LRRC9: variants seen among roughly 807,000 people sequenced by gnomAD.
LRRC9 encodes leucine rich repeat containing 9.
LRRC9 carries 122 observed loss-of-function variants against 63.2 expected under a neutral mutation model. That is an observed-to-expected ratio of 1.93 (90% CI 1.67 to 2.24). The LOEUF (loss-of-function observed/expected upper bound fraction) is 2.24. Ranked by LOEUF, LRRC9 falls within the 30% of genes most tolerant of loss-of-function variation. LRRC9 has a pLI of 0.00. For synonymous variants in LRRC9, 366 were observed against 213.1 expected, an observed-to-expected ratio of 1.72 and a Z score of -6.25; for missense variants, 1,071 against 627.7, an observed-to-expected ratio of 1.71 and a Z score of -7.55.
At position 59,930,479 on chromosome 14, in the gene LRRC9, AT is replaced by A. The variant is rs1337583613; in HGVS notation, c.268-437del. 1.3e-5 allele frequency among the ~76,000 whole-genome samples: 2 copies of A among 152,010 alleles called. No individual in the cohort carries two copies. The highest frequency in any genetic ancestry group is 1.5e-5 in the Non-Finnish European group (1 of 67,952). The stretch of plus-strand genomic sequence containing the variant: ...TATTATAAACTTGAAATATTTCATA[AT>A]TATTAAATATAATTTGAAGGATTAT... On this transcript the variant is annotated intron_variant, in intron 3 of 31. Coordinates refer to ENST00000445360, the Ensembl canonical transcript of LRRC9. The surrounding 1 kb of genome is among the most constrained non-coding windows in gnomAD (Gnocchi z 4.9).
chr14:60,053,879 G>GTAAC lies in LRRC9; in HGVS notation c.4131+675_4131+678dup, dbSNP rs1254539461. On this transcript the variant is annotated intron_variant, in intron 30 of 31. Coordinates refer to ENST00000445360, the Ensembl canonical transcript of LRRC9. This position sits in a 1 kb window ranked among gnomAD's most constrained non-coding sequence, Gnocchi z 4.8. ...AAATCTATGGTTTTTGAACAGAGAA[G>GTAAC]TAACATTATTAGAATGCTGTGGTTT... The GTAAC allele has an allele frequency of 6.6e-6, 3 of 453,042 alleles. No individual in the cohort carries two copies. The Admixed American group carries it at 7.2e-5, about 11-fold the overall frequency. The allele number at this position is 453,042 out of a possible 1,614,324, so 28.1% of individuals were successfully genotyped here. A position where few individuals can be genotyped will look rare whatever the true frequency, so the allele number is the denominator to read the frequency against.
At chr14:59,972,542 C>G (rs1400723977) in intron 12 of LRRC9, among the ~76,000 whole-genome samples, 2 of 151,962 alleles carry the variant, frequency 1.3e-5, no homozygotes, top group African/African-American at 4.8e-5. Context: ...ATGTAAAAAT[C>G]CTTCTAGTTT....
In LRRC9 at chr14:59,964,565, C is replaced by T. The variant is rs765295496; in HGVS notation, c.1212-2024C>T. On this transcript the variant is annotated intron_variant, in intron 10 of 31. Coordinates refer to ENST00000445360, the Ensembl canonical transcript of LRRC9. This position sits in a 1 kb window ranked among gnomAD's most constrained non-coding sequence, Gnocchi z 4.4. ...TCATTCCTTCCACCCATTCATGAGA[C>T]GCCTCAAGCCCAATATCCCCTATAT... Among the ~76,000 whole-genome samples the T allele has an allele frequency of 2.6e-5, 4 of 152,178 alleles. No homozygotes were observed. Among genetic ancestry groups the T allele is most frequent in the African/African-American group, 4.8e-5 (2 of 41,428 alleles).
chr14:59,938,577 G>T lies in LRRC9; in HGVS notation c.726+5G>T, dbSNP rs751195573. 1.5e-6 allele frequency: 1 copy of T among 687,932 alleles called. No individual in the cohort carries two copies. Among genetic ancestry groups the T allele is most frequent in the South Asian group, 1.5e-5 (1 of 64,988 alleles). 42.6% of individuals were successfully genotyped at this position (687,932 alleles called of 1,614,324 possible). A position where few individuals can be genotyped will look rare whatever the true frequency, so the allele number is the denominator to read the frequency against. ...CAAATCAAGGAACTGGCAGATGTAA[G>T]TACATCCCTAATCAGGCATCTGTGA... On this transcript the variant is annotated splice_donor_5th_base_variant and intron_variant, in intron 7 of 31. Transcript: ENST00000445360. This position sits in a 1 kb window ranked among gnomAD's most constrained non-coding sequence, Gnocchi z 4.2.
rs1369325766 is a variant in LRRC9, at chr14:59,964,488, T to C, written c.1212-2101T>C. On this transcript the variant is annotated intron_variant, in intron 10 of 31. Coordinates refer to ENST00000445360, the Ensembl canonical transcript of LRRC9. This position sits in a 1 kb window ranked among gnomAD's most constrained non-coding sequence, Gnocchi z 4.4. ...AAAATCTCCATGAAAAAATCACACTTCATAGCTCCTGCCTTCCTGGGGAAC... is the reference window on the plus strand; with the variant it reads ...AAAATCTCCATGAAAAAATCACACTCCATAGCTCCTGCCTTCCTGGGGAAC... Among the ~76,000 whole-genome samples the C allele has an allele frequency of 4.6e-5, 7 of 152,174 alleles. No individual in the cohort carries two copies. The highest frequency in any genetic ancestry group is 1.5e-5 in the Non-Finnish European group (1 of 68,036).
chr14:59,952,843 G>A (rs1883317972), intron 8 of LRRC9, among the ~76,000 whole-genome samples: 1 of 152,122 alleles, frequency 6.6e-6, no homozygotes, highest in Non-Finnish European at 1.5e-5. Flanking sequence ...GGTGTGTGAT[G>A]TTCCCCTCCC....
chr14:59,962,835 T>C lies in LRRC9; in HGVS notation c.1211+1790T>C, dbSNP rs767828683. 1.3e-5 allele frequency among the ~76,000 whole-genome samples: 2 copies of C among 152,174 alleles called. No individual in the cohort carries two copies. Among genetic ancestry groups the C allele is most frequent in the African/African-American group, 4.8e-5 (2 of 41,450 alleles). On this transcript the variant is annotated intron_variant, in intron 10 of 31. Transcript: ENST00000445360. The surrounding 1 kb of genome is among the most constrained non-coding windows in gnomAD (Gnocchi z 5.1). The stretch of plus-strand genomic sequence containing the variant: ...CCAAAAAGCCATTTAGATAACTATG[T>C]CAGCCTGATAGTAAATTAGATAGCT...
At position 60,042,320 on chromosome 14, in the gene LRRC9, G is replaced by T. The variant is rs531557296; in HGVS notation, c.3990+10257G>T. Among the ~76,000 whole-genome samples, 1,444 of 152,322 alleles carry T rather than the reference G, an allele frequency of 9.5e-3. 26 individuals carry two copies. Among genetic ancestry groups the T allele is most frequent in the African/African-American group, 0.033 (1,366 of 41,572 alleles). On this transcript the variant is annotated intron_variant, in intron 29 of 31. Transcript: ENST00000445360. The surrounding 1 kb of genome is among the most constrained non-coding windows in gnomAD (Gnocchi z 4.2). ...AAGTCTGCAGAAGTTTCTGCTGCCT[G>T]TTGTTCAGCTATGCCCTGCCCCCAG...
Position 59,923,839 on chromosome 14 carries a change from G to C in LRRC9, c.-34+3956G>C, listed in dbSNP as rs1220462622. Among the ~76,000 whole-genome samples the C allele has an allele frequency of 6.6e-6, 1 of 152,204 alleles. No homozygotes were observed. The highest frequency in any genetic ancestry group is 1.5e-5 in the Non-Finnish European group (1 of 68,046). On this transcript the variant is annotated intron_variant, in intron 1 of 31. Coordinates refer to ENST00000445360, the Ensembl canonical transcript of LRRC9. This position sits in a 1 kb window ranked among gnomAD's most constrained non-coding sequence, Gnocchi z 4.2. ...GCCTATAGTTCCAGCGACTCCGAAG[G>C]CTGAGGCAGGAGTATGGCGTGAACC...
rs1018318681 is a variant in LRRC9, at chr14:59,990,817, A to T, written c.2211+5593A>T. Among the ~76,000 whole-genome samples, 1 of 152,216 alleles carries T rather than the reference A, an allele frequency of 6.6e-6. No homozygotes were observed. The highest frequency in any genetic ancestry group is 1.5e-5 in the Non-Finnish European group (1 of 68,038). On this transcript the variant is annotated intron_variant, in intron 17 of 31. Transcript: ENST00000445360. This position sits in a 1 kb window ranked among gnomAD's most constrained non-coding sequence, Gnocchi z 4.2. The stretch of plus-strand genomic sequence containing the variant: ...TTGGTCTCCACACATTCCGGTGAAT[A>T]TTTGTTGACTGTTCTGGGGCTCTCC...
intron 23 of LRRC9, among the ~76,000 whole-genome samples, chr14:60,010,123 T>C (rs943654483): frequency 2.6e-5 from 4 of 152,162 alleles, no homozygotes; most frequent in East Asian, 1.9e-4. Context: ...ACAGCTCCAA[T>C]AGGCAGTGCC....
rs151152853 is a variant in LRRC9 at position 60,046,701 on chromosome 14, T to C, written c.3991-6364T>C. On this transcript the variant is annotated intron_variant, in intron 29 of 31. Transcript: ENST00000445360. ...CCTTGTGGCATAGTTTGAGGTCAAGTAGCATGATGCCTTCAGCTTTGTTCT... is the reference window on the plus strand; with the variant it reads ...CCTTGTGGCATAGTTTGAGGTCAAGCAGCATGATGCCTTCAGCTTTGTTCT... Among the ~76,000 whole-genome samples, 241 of 152,362 alleles carry C rather than the reference T, an allele frequency of 1.6e-3. 2 individuals are homozygous for C. Among genetic ancestry groups the C allele is most frequent in the African/African-American group, 5.1e-3 (211 of 41,598 alleles).
intron 31 of LRRC9, chr14:60,059,169 TTGAG>T (rs571049669): frequency 1.3e-5 from 2 of 152,194 alleles, no homozygotes; most frequent in Non-Finnish European, 2.9e-5. Flanking sequence ...TTCACAGATA[TTGAG>T]TTTTTTACAA....
At chr14:59,947,771 T>C (rs1465489148) in intron 8 of LRRC9, among the ~76,000 whole-genome samples, 1 of 146,512 alleles carries the variant, frequency 6.8e-6, no homozygotes, top group Non-Finnish European at 1.5e-5. Flanking sequence ...GGGAATCCTT[T>C]CCCCATTGCT....
exon 16 of LRRC9, chr14:59,982,006 G>A (rs1185467571): frequency 2.8e-6 from 2 of 702,442 alleles, no homozygotes; most frequent in Non-Finnish European, 5.2e-6. Context: ...TGATTAGTTT[G>A]GATGATAAAA....
intron 29 of LRRC9, among the ~76,000 whole-genome samples, chr14:60,044,374 G>A (rs563637478): frequency 9.2e-5 from 14 of 152,050 alleles, no homozygotes; most frequent in Admixed American, 2.0e-4. Context: ...GTTGCTTAAG[G>A]CACATCATTA....
chr14:60,009,728 T>C (rs1890105215), intron 23 of LRRC9, among the ~76,000 whole-genome samples: 1 of 152,266 alleles, frequency 6.6e-6, no homozygotes, highest in Middle Eastern at 3.4e-3. Context: ...CCTATGAGCC[T>C]GTAAAATCAA....
At chr14:60,035,074 C>T (rs1211043046) in intron 29 of LRRC9, among the ~76,000 whole-genome samples, 1 of 148,522 alleles carries the variant, frequency 6.7e-6, no homozygotes, top group Non-Finnish European at 1.5e-5. Context: ...GTTTGGTTTG[C>T]ATTTCTCTGA....
intron 6 of LRRC9, among the ~76,000 whole-genome samples, chr14:59,935,057 G>A (rs1446488708): frequency 5.3e-5 from 8 of 151,390 alleles, no homozygotes; most frequent in Non-Finnish European, 1.0e-4. Context: ...AGGCCGAGGC[G>A]GGCGGATCAC....
Sources: allele counts gnomAD v4.1 joint callset (sites outside exome capture counted in the v4.1 genomes callset), GRCh38; gene constraint gnomAD v4.1.1; non-coding constraint Gnocchi (gnomAD v3.1); transcripts MANE v1.5; gene names NCBI Gene and HGNC (gene_info 2026-07-23, HGNC 2026-07-21).